The following TSHZ2 variants were observed in gnomAD, a reference collection of about 807,000 sequenced individuals.
TSHZ2 encodes teashirt homolog 2.
TSHZ2 carries 21 observed loss-of-function variants against 74.4 expected under a neutral mutation model. The observed-to-expected ratio is 0.28, with a 90% CI of 0.20 to 0.41. The LOEUF is 0.41. Ranked by LOEUF, TSHZ2 falls within the 10% of genes least tolerant of loss-of-function variation. The probability of loss-of-function intolerance (pLI) is 1.00; values close to 1 mark genes in which losing one functional copy is unlikely to be tolerated. For synonymous variants in TSHZ2, 540 were observed against 515.3 expected, an observed-to-expected ratio of 1.05 and a Z score of -0.65; for missense variants, 1,244 against 1,293.5, an observed-to-expected ratio of 0.96 and a Z score of 0.59.
intron 1 of TSHZ2, among the ~76,000 whole-genome samples, chr20:53,114,321 C>G (rs1986612504): frequency 6.6e-6 from 1 of 152,122 alleles, no homozygotes; most frequent in African/African-American, 2.4e-5. Flanking sequence ...GGCTTTGGAA[C>G]TGTGTTTATA....
intron 1 of TSHZ2, among the ~76,000 whole-genome samples, chr20:53,233,930 A>G (rs1989883582): frequency 6.6e-6 from 1 of 152,194 alleles, no homozygotes; most frequent in Admixed American, 6.5e-5. Flanking sequence ...AACTTTTTAA[A>G]TGTCTGGCTT....
intron 1 of TSHZ2, among the ~76,000 whole-genome samples, chr20:53,180,953 G>A (rs1988453993): frequency 6.6e-6 from 1 of 152,108 alleles, no homozygotes; most frequent in Non-Finnish European, 1.5e-5. Context: ...GTCTGGATAG[G>A]AGGGTCTGCC....
chr20:53,009,178 T>C (rs1385264638), intron 1 of TSHZ2, among the ~76,000 whole-genome samples: 2 of 151,460 alleles, frequency 1.3e-5, no homozygotes, highest in Non-Finnish European at 2.9e-5. Flanking sequence ...AATATATATA[T>C]ATACAAAAAA....
chr20:53,363,645 G>C (rs1275731841), intron 2 of TSHZ2, among the ~76,000 whole-genome samples: 3 of 152,192 alleles, frequency 2.0e-5, no homozygotes, highest in African/African-American at 7.2e-5. Context: ...GGAAAGTCAT[G>C]CAGATAGAAA....
intron 1 of TSHZ2, among the ~76,000 whole-genome samples, chr20:53,170,551 G>A (rs868093965): frequency 8.5e-4 from 130 of 152,148 alleles, no homozygotes; most frequent in African/African-American, 2.8e-3. Flanking sequence ...GCTGTCCTGG[G>A]CACTGTACAC....
chr20:53,419,931 A>C (rs1156415220), intron 2 of TSHZ2, among the ~76,000 whole-genome samples: 1 of 152,238 alleles, frequency 6.6e-6, no homozygotes, highest in Non-Finnish European at 1.5e-5. Flanking sequence ...GGCAGCTGAC[A>C]TAATTATGCA....
intron 1 of TSHZ2, among the ~76,000 whole-genome samples, chr20:53,197,366 G>T (rs1204030069): frequency 6.6e-6 from 1 of 152,140 alleles, no homozygotes; most frequent in Non-Finnish European, 1.5e-5. Flanking sequence ...CATTTCTTAG[G>T]TAGGTGCGTG....
At chr20:52,976,254 G>T (rs1415897182) in intron 1 of TSHZ2, among the ~76,000 whole-genome samples, 1 of 152,202 alleles carries the variant, frequency 6.6e-6, no homozygotes, top group African/African-American at 2.4e-5. Context: ...GATGTGAGGG[G>T]ACAATTCTCT....
intron 2 of TSHZ2, among the ~76,000 whole-genome samples, chr20:53,329,301 A>G (rs947777666): frequency 6.6e-6 from 1 of 152,176 alleles, no homozygotes; most frequent in South Asian, 2.1e-4. Flanking sequence ...AGCTTTGGGA[A>G]GCACCTTCAT....
At chr20:53,452,853 GTGT>G in intron 2 of TSHZ2, among the ~76,000 whole-genome samples, 1 of 152,308 alleles carries the variant, frequency 6.6e-6, no homozygotes, top group Admixed American at 6.5e-5. Context: ...GGAACGTTTA[GTGT>G]TGTATTGCTG....
At chr20:53,103,193 AT>A (rs1163456088) in intron 1 of TSHZ2, among the ~76,000 whole-genome samples, 1 of 152,218 alleles carries the variant, frequency 6.6e-6, no homozygotes, top group Non-Finnish European at 1.5e-5. Context: ...ATAAAAGCTA[AT>A]ATGCAAGAAT....
At chr20:53,226,911 A>G (rs919715018) in intron 1 of TSHZ2, among the ~76,000 whole-genome samples, 1 of 152,188 alleles carries the variant, frequency 6.6e-6, no homozygotes, top group Non-Finnish European at 1.5e-5. Flanking sequence ...TGAAATTTCA[A>G]TAAATAGTAG....
At chr20:52,998,116 T>C (rs1671433593) in intron 1 of TSHZ2, among the ~76,000 whole-genome samples, 1 of 152,212 alleles carries the variant, frequency 6.6e-6, no homozygotes, top group Non-Finnish European at 1.5e-5. Flanking sequence ...ATCCTCATCA[T>C]TTCCTTGCCT....
intron 2 of TSHZ2, among the ~76,000 whole-genome samples, chr20:53,380,125 G>A (rs576152197): frequency 6.8e-6 from 1 of 146,392 alleles, no homozygotes; most frequent in Non-Finnish European, 1.5e-5. Flanking sequence ...GAGCTTGAAG[G>A]TTGATGGTTG....
At position 53,405,408 on chromosome 20, in the gene TSHZ2, T is replaced by C. The variant is rs149927139; in HGVS notation, c.*9-81736T>C. Reference sequence around the variant, plus strand: ...CCACCGGGGACTGACATATATTATTTGAGGAAGTCAGCACTTGAAGGTAGG... The same window carrying C: ...CCACCGGGGACTGACATATATTATTCGAGGAAGTCAGCACTTGAAGGTAGG... On this transcript the variant is annotated intron_variant, in intron 2 of 2. Transcript: ENST00000371497. Among the ~76,000 whole-genome samples the C allele has an allele frequency of 2.6e-5, 4 of 152,330 alleles. No homozygotes were observed. In the East Asian group the frequency reaches 7.7e-4, roughly 29 times the overall value.
intron 1 of TSHZ2, among the ~76,000 whole-genome samples, chr20:53,208,226 A>G (rs1199934796): frequency 1.3e-5 from 2 of 152,190 alleles, no homozygotes; most frequent in Non-Finnish European, 2.9e-5. Flanking sequence ...TTAAATCAAG[A>G]TGAAGACCAC....
chr20:53,324,700 C>A (rs1197382782), intron 2 of TSHZ2, among the ~76,000 whole-genome samples: 3 of 152,200 alleles, frequency 2.0e-5, no homozygotes, highest in Admixed American at 6.5e-5. Context: ...TCCGTGAAGA[C>A]CTTGCTGACC....
intron 1 of TSHZ2, among the ~76,000 whole-genome samples, chr20:53,173,436 G>A (rs559895064): frequency 7.2e-5 from 11 of 152,114 alleles, no homozygotes; most frequent in African/African-American, 2.4e-4. Context: ...GTGAAACCCC[G>A]TCTCTACTAA....
chr20:53,271,513 ATGTT>A (rs1360835866), intron 2 of TSHZ2, among the ~76,000 whole-genome samples: 1 of 152,210 alleles, frequency 6.6e-6, no homozygotes, highest in African/African-American at 2.4e-5. Flanking sequence ...TGCCCTCAGA[ATGTT>A]TGCTGCCCAT....
Sources: allele counts gnomAD v4.1 joint callset (sites outside exome capture counted in the v4.1 genomes callset), GRCh38; gene constraint gnomAD v4.1.1; transcripts MANE v1.5; gene names NCBI Gene and HGNC (gene_info 2026-07-23, HGNC 2026-07-21).